SORCS2: variants seen among roughly 807,000 people sequenced by gnomAD.
SORCS2 encodes the protein sortilin related VPS10 domain containing receptor 2.
Under a neutral mutation model 141.6 loss-of-function variants are expected in SORCS2, and 100 were observed. The ratio of observed to expected loss-of-function variants is 0.71; its 90% CI spans 0.60 to 0.83. The LOEUF is 0.83. SORCS2 is among the 40% of genes least tolerant of loss of function. The pLI is 0.00. For missense variants in SORCS2, 1,646 were observed against 1,560.2 expected (o/e 1.05, Z -0.93); for synonymous variants, 789 against 676.9 (o/e 1.17, Z -2.57).
intron 1 of SORCS2, among the ~76,000 whole-genome samples, chr4:7,296,021 G>A (rs557979636): frequency 2.0e-5 from 3 of 152,320 alleles, no homozygotes; most frequent in Non-Finnish European, 2.9e-5. Context: ...TCATGGCTGC[G>A]TGTGTGGCTG....
Position 7,638,178 on chromosome 4 carries a change from G to T in SORCS2, c.649-150G>T, listed in dbSNP as rs111767665. ...GCACTCCTCCCTGGTATCAGGAGGT[G>T]AAGGGGAGAGGCACACCCGGCCCAG... On this transcript the variant is annotated intron_variant, in intron 3 of 26. Coordinates refer to ENST00000507866, the MANE Select transcript of SORCS2 (RefSeq NM_020777.3). The T allele has an allele frequency of 5.9e-3, 5,597 of 956,036 alleles. 218 individuals carry two copies. In the African/African-American group the frequency reaches 0.083, roughly 14 times the overall value. The allele number at this position is 956,036 out of a possible 1,614,324, so 59.2% of individuals were successfully genotyped here.
chr4:7,617,126 C>T (rs1248452157), intron 3 of SORCS2, among the ~76,000 whole-genome samples: 2 of 152,194 alleles, frequency 1.3e-5, no homozygotes, highest in African/African-American at 4.8e-5. Context: ...ACTACAAACC[C>T]TGTAGTATTC....
At chr4:7,296,635 C>A (rs1443858609) in intron 1 of SORCS2, among the ~76,000 whole-genome samples, 2 of 152,350 alleles carry the variant, frequency 1.3e-5, no homozygotes, top group South Asian at 2.1e-4. Context: ...TTGCTCCAAG[C>A]CCCAGTTTTC....
chr4:7,574,813 G>T (rs1237404615), intron 3 of SORCS2, among the ~76,000 whole-genome samples: 2 of 152,192 alleles, frequency 1.3e-5, no homozygotes, highest in African/African-American at 2.4e-5. Flanking sequence ...ATGCCGTGTG[G>T]CATGCTGTCC....
rs372703340 is a variant in SORCS2 at position 7,506,974 on chromosome 4, G to C, written c.549-24556G>C. On this transcript the variant is annotated intron_variant, in intron 2 of 26. Coordinates refer to ENST00000507866, the MANE Select transcript of SORCS2 (RefSeq NM_020777.3). ...CACAAAGGTCAGCTGGTTTTTACTA[G>C]ACCCCTTGAGCCAGTAAATGAGCCA... Among the ~76,000 whole-genome samples, 5 of 152,032 alleles carry C rather than the reference G, an allele frequency of 3.3e-5. No homozygotes were observed. In the East Asian group the frequency reaches 5.8e-4, roughly 18 times the overall value.
At chr4:7,225,473 C>A (rs1035804171) in intron 1 of SORCS2, among the ~76,000 whole-genome samples, 1 of 152,228 alleles carries the variant, frequency 6.6e-6, no homozygotes, top group African/African-American at 2.4e-5. Context: ...TTGAACTCTT[C>A]CTCTGGCTTC....
Position 7,201,983 on chromosome 4 carries a change from T to C in SORCS2, c.480+8857T>C, listed in dbSNP as rs752016241. 6.6e-6 allele frequency among the ~76,000 whole-genome samples: 1 copy of C among 152,096 alleles called. No individual in the cohort carries two copies. The highest frequency in any genetic ancestry group is 1.5e-5 in the Non-Finnish European group (1 of 68,026). On this transcript the variant is annotated intron_variant, in intron 1 of 26. Transcript: ENST00000507866. This position sits in a 1 kb window ranked among gnomAD's most constrained non-coding sequence, Gnocchi z 4.4. Reference sequence around the variant, plus strand: ...GCATTGGTTCACATCCTGCTTTTTCTTGGAAAGCGCCGTCCTGGATGTGAG... The same window carrying C: ...GCATTGGTTCACATCCTGCTTTTTCCTGGAAAGCGCCGTCCTGGATGTGAG...
intron 12 of SORCS2, among the ~76,000 whole-genome samples, chr4:7,700,844 G>A (rs1185090438): frequency 1.3e-5 from 2 of 152,226 alleles, no homozygotes; most frequent in Non-Finnish European, 2.9e-5. Context: ...CTCCACCTGT[G>A]TGGGGGCAAG....
chr4:7,303,036 G>A (rs1717547981), intron 1 of SORCS2, among the ~76,000 whole-genome samples: 1 of 152,224 alleles, frequency 6.6e-6, no homozygotes, highest in African/African-American at 2.4e-5. Context: ...TGTGTGCACA[G>A]TGGAATGTTA....
chr4:7,290,512 T>A (rs1253252632), intron 1 of SORCS2, among the ~76,000 whole-genome samples: 1 of 152,202 alleles, frequency 6.6e-6, no homozygotes, highest in Non-Finnish European at 1.5e-5. Context: ...GAATCCTCCC[T>A]TCATTTCTCC....
chr4:7,742,482 C>T lies in SORCS2; in HGVS notation c.*2218C>T, dbSNP rs1481877680. 2 of 152,228 alleles carry T rather than the reference C, an allele frequency of 1.3e-5. No individual in the cohort carries two copies. Among genetic ancestry groups the T allele is most frequent in the Non-Finnish European group, 2.9e-5 (2 of 68,062 alleles). 9.4% of individuals were successfully genotyped at this position (152,228 alleles called of 1,614,324 possible). On this transcript the variant is annotated 3_prime_UTR_variant, in exon 27 of 27. Coordinates refer to ENST00000507866, the MANE Select transcript of SORCS2 (RefSeq NM_020777.3). ...TCTCTGCTGTTTGGGTTGGGTTTTT[C>T]CCCTTAGTTATCTGTGGGTTTCCTG... is the stretch of plus-strand genomic sequence containing the variant.
intron 3 of SORCS2, among the ~76,000 whole-genome samples, chr4:7,546,946 G>A (rs1254347112): frequency 6.6e-6 from 1 of 152,224 alleles, no homozygotes; most frequent in Non-Finnish European, 1.5e-5. Flanking sequence ...AAATTCCAAA[G>A]TGATTTCTGC....
chr4:7,280,483 C>A (rs1715800619), intron 1 of SORCS2, among the ~76,000 whole-genome samples: 1 of 152,170 alleles, frequency 6.6e-6, no homozygotes, highest in South Asian at 2.1e-4. Flanking sequence ...GGGAGCCCAT[C>A]TCTTTTACTT....
At chr4:7,283,600 T>C (rs1308699198) in intron 1 of SORCS2, among the ~76,000 whole-genome samples, 1 of 152,044 alleles carries the variant, frequency 6.6e-6, no homozygotes, top group Non-Finnish European at 1.5e-5. Flanking sequence ...CTGCTTAGAG[T>C]TTTGCAAAGT....
At chr4:7,386,559 CGCACAT>C (rs1253077579) in intron 1 of SORCS2, among the ~76,000 whole-genome samples, 10 of 100,892 alleles carry the variant, frequency 9.9e-5, no homozygotes, top group Admixed American at 8.9e-4. Context: ...GAGATACACA[CGCACAT>C]GCACACACAT....
chr4:7,657,067 G>A (rs1312984941), intron 5 of SORCS2, among the ~76,000 whole-genome samples: 1 of 152,176 alleles, frequency 6.6e-6, no homozygotes, highest in Admixed American at 6.5e-5. Flanking sequence ...TTAGAAATAC[G>A]GTCTAACAGA....
At chr4:7,534,193 CACAA>C (rs1711907979) in intron 3 of SORCS2, among the ~76,000 whole-genome samples, 1 of 152,214 alleles carries the variant, frequency 6.6e-6, no homozygotes, top group African/African-American at 2.4e-5. Context: ...GAATGAGTGT[CACAA>C]ACAGTGTGTG....
rs142721594 is a variant in SORCS2, at chr4:7,703,090, C to T, written c.1669-190C>T. Among the ~76,000 whole-genome samples the T allele has an allele frequency of 3.4e-3, 519 of 152,330 alleles. 5 individuals are homozygous for T. Among genetic ancestry groups the T allele is most frequent in the African/African-American group, 0.012 (493 of 41,572 alleles). ...GTCCGCCATTCAGTCATCCAGGGTG[C>T]GCTGAGTCCGCGTGGGCTGGGAAAG... On this transcript the variant is annotated intron_variant, in intron 12 of 26. Transcript: ENST00000507866.
At chr4:7,328,657 C>T (rs900953569) in intron 1 of SORCS2, among the ~76,000 whole-genome samples, 5 of 152,162 alleles carry the variant, frequency 3.3e-5, no homozygotes, top group Non-Finnish European at 5.9e-5. Context: ...CACCGACAGC[C>T]CTGCCCTGGC....
Sources: allele counts gnomAD v4.1 joint callset (sites outside exome capture counted in the v4.1 genomes callset), GRCh38; gene constraint gnomAD v4.1.1; non-coding constraint Gnocchi (gnomAD v3.1); transcripts MANE v1.5; gene names NCBI Gene and HGNC (gene_info 2026-07-23, HGNC 2026-07-21).